Variants in DCAF15 observed in about 807,000 individuals in gnomAD.
DCAF15 encodes DDB1- and CUL4-associated factor 15.
Under a neutral mutation model 68.0 loss-of-function variants are expected in DCAF15, and 24 were observed. That is an observed-to-expected ratio of 0.35 (90% CI 0.26 to 0.50). The LOEUF (loss-of-function observed/expected upper bound fraction) is 0.50, where lower values mean the gene tolerates loss of function less well. Among genes scored for constraint, DCAF15 ranks in the 20% least tolerant of loss-of-function variants. The probability of loss-of-function intolerance (pLI) is 0.98; values close to 1 mark genes in which losing one functional copy is unlikely to be tolerated. For synonymous variants in DCAF15, 376 were observed against 341.6 expected, an observed-to-expected ratio of 1.10 and a Z score of -1.11; for missense variants, 627 against 830.6, an observed-to-expected ratio of 0.75 and a Z score of 3.01.
intron 6 of DCAF15, among the ~76,000 whole-genome samples, chr19:13,957,973 C>G (rs771056409): frequency 6.6e-6 from 1 of 152,074 alleles, no homozygotes; most frequent in African/African-American, 2.4e-5. Flanking sequence ...CTGGGGCGGT[C>G]GGGGAATGGG....
chr19:13,955,893 C>G lies in DCAF15; in HGVS notation c.367-19C>G, dbSNP rs1973337574. The G allele has an allele frequency of 6.2e-7, 1 of 1,612,684 alleles. No homozygotes were observed. The highest frequency in any genetic ancestry group is 1.7e-5 in the Admixed American group (1 of 59,992). On this transcript the variant is annotated intron_variant, in intron 3 of 12. Coordinates refer to ENST00000254337, the MANE Select transcript of DCAF15 (RefSeq NM_138353.4). Reference sequence around the variant, plus strand: ...CGCAGTTTCCCTGACCCGGTGCTGCCCCTGAACGTGCCTCACAGGTCCGGC... The same window carrying G: ...CGCAGTTTCCCTGACCCGGTGCTGCGCCTGAACGTGCCTCACAGGTCCGGC...
Position 13,954,412 on chromosome 19 carries a change from G to A in DCAF15, c.205G>A (p.Val69Met), listed in dbSNP as rs1973251517. The stretch of plus-strand genomic sequence containing the variant: ...GGTGTGCGTGTCCCTCAAGAACATT[G>A]TGGATGAGGACTTCCTCTATGCAGG... ...PRVCVSLKNIVDEDFLYAGHI... is the reference protein window; with the variant it reads ...PRVCVSLKNIMDEDFLYAGHI... The change falls in exon 2 of 13, where the codon GTG becomes ATG. Residue 69 changes from valine to methionine, a missense_variant. Around this residue, in one of 3 missense-constraint regions of DCAF15, gnomAD observed 273 missense variants for 393.7 expected, o/e 0.69. Transcript: ENST00000254337. 1 of 1,613,972 alleles carries A rather than the reference G, an allele frequency of 6.2e-7. No homozygotes were observed. Among genetic ancestry groups the A allele is most frequent in the South Asian group, 1.1e-5 (1 of 91,080 alleles).
At chr19:13,959,694 G>A in intron 8 of DCAF15, 21 bp downstream of exon 8, 2 of 1,612,942 alleles carry the variant, frequency 1.2e-6, no homozygotes, top group East Asian at 4.5e-5. Context: ...GCAGTGGGCG[G>A]GCCAAGGACA....
At position 13,956,261 on chromosome 19, in the gene DCAF15, A is replaced by C; in HGVS notation, c.612A>C (p.Pro204=). Residue 204 remains proline, a splice_region_variant and synonymous_variant, in exon 5 of 13, where the codon CCA becomes CCC. Transcript: ENST00000254337. ...GCCAGGATGCCAGCCGAGCCCACCC[A>C]GGTGAGGGGGCCGAGGGGGCGAGGG... ...AACQDASRAH[P]GDPNAQCLRH... 1 of 1,611,950 alleles carries C rather than the reference A, an allele frequency of 6.2e-7. No individual in the cohort carries two copies. The highest frequency in any genetic ancestry group is 8.5e-7 in the Non-Finnish European group (1 of 1,179,554).
chr19:13,954,383 C>A lies in DCAF15; in HGVS notation c.176C>A (p.Pro59His). The change falls in exon 2 of 13, where the codon CCC becomes CAC. Residue 59 changes from proline (P) to histidine (H), a missense_variant. Pro to His is a moderately conservative substitution (Grantham distance 77, BLOSUM62 -2). Transcript: ENST00000254337. Reference protein sequence around the residue: ...LSPRLFRKLPPRVCVSLKNIV... With the variant: ...LSPRLFRKLPHRVCVSLKNIV... ...CCTCGCCTCTTCCGGAAGCTGCCTC[C>A]CCGGGTGTGCGTGTCCCTCAAGAAC... 1 of 1,613,876 alleles carries A rather than the reference C, an allele frequency of 6.2e-7. No individual in the cohort carries two copies. The highest frequency in any genetic ancestry group is 1.1e-5 in the South Asian group (1 of 91,078).
chr19:13,952,601 G>A lies in DCAF15; in HGVS notation c.89G>A (p.Gly30Glu), dbSNP rs1973104657. The change falls in exon 1 of 13, where the codon GGG becomes GAG. Residue 30 changes from glycine (G) to glutamate (E), a missense_variant. Physicochemically the swap from Gly to Glu is moderately conservative, Grantham distance 98 (BLOSUM62 -2). Transcript: ENST00000254337. ...GGAGCCGGAGGGAAGCGGGCAGCAG[G>A]GCGGCGGCGGGAGCACGTCCTCAAG... ...PGGAGGKRAA[G>E]RRREHVLKQL... 6 of 1,266,944 alleles carry A rather than the reference G, an allele frequency of 4.7e-6. No individual in the cohort carries two copies. Among genetic ancestry groups the A allele is most frequent in the Non-Finnish European group, 6.0e-6 (6 of 1,003,070 alleles). The allele number at this position is 1,266,944 out of a possible 1,614,324, so 78.5% of individuals were successfully genotyped here. A position where few individuals can be genotyped will look rare whatever the true frequency, so the allele number is the denominator to read the frequency against.
chr19:13,958,241 G>A, intron 6 of DCAF15, among the ~76,000 whole-genome samples: 1 of 152,178 alleles, frequency 6.6e-6, no homozygotes, highest in East Asian at 1.9e-4. Context: ...ACCAGCCCAG[G>A]GAAAGGGCGT....
intron 6 of DCAF15, among the ~76,000 whole-genome samples, chr19:13,958,628 C>T (rs1183128416): frequency 1.3e-5 from 2 of 152,080 alleles, no homozygotes; most frequent in African/African-American, 4.8e-5. Flanking sequence ...CAGGAAGGAC[C>T]GAGGGCTTTG....
chr19:13,960,153 G>A (rs1379035516), intron 10 of DCAF15, 84 bp downstream of exon 10: 3 of 1,582,172 alleles, frequency 1.9e-6, no homozygotes, highest in Non-Finnish European at 8.6e-7. Flanking sequence ...GACGTGAGAA[G>A]GCTCTCCCTG....
chr19:13,953,956 C>T (rs1973217241), intron 1 of DCAF15, among the ~76,000 whole-genome samples: 1 of 152,066 alleles, frequency 6.6e-6, no homozygotes, highest in Non-Finnish European at 1.5e-5. Context: ...GTCCCAGCCT[C>T]CTTAGTAGGA....
chr19:13,954,243 T>C, intron 1 of DCAF15, 97 bp from the exon 2 acceptor site: 6 of 1,045,848 alleles, frequency 5.7e-6, no homozygotes, highest in Non-Finnish European at 8.6e-6. Flanking sequence ...GCTGGGCCGG[T>C]CTGGACCCGG....
Position 13,959,403 on chromosome 19 carries a change from C to T in DCAF15, c.1143C>T (p.Ala381=), listed in dbSNP as rs967592637. The change falls in exon 7 of 13, where the codon GCC becomes GCT. Residue 381 remains alanine (A), a synonymous_variant. Transcript: ENST00000254337. ...GCCCCCCTGCCTCGGAGGCACCTGC[C>T]TCCGAGCCTGGCTATGTCAACTACA... is the stretch of plus-strand genomic sequence containing the variant. The part of the protein sequence containing the change: ...RDSPPASEAP[A]SEPGYVNYTK... The T allele has an allele frequency of 1.4e-5, 23 of 1,607,092 alleles. No individual in the cohort carries two copies. The highest frequency in any genetic ancestry group is 1.8e-5 in the Non-Finnish European group (21 of 1,179,766).
chr19:13,959,699 A>G, intron 8 of DCAF15, 26 bp downstream of exon 8: 2 of 1,612,898 alleles, frequency 1.2e-6, no homozygotes, highest in Non-Finnish European at 1.7e-6. Context: ...GGGCGGGCCA[A>G]GGACAGTCCC....
rs778950385 is a variant in DCAF15 at position 13,959,125 on chromosome 19, C to A, written c.865C>A (p.Pro289Thr). ...APASPPEPQS[P>T]ELPPALPSFC... ...TGCCAGCCCCCCTGAGCCCCAGAGC[C>A]CAGAGCTGCCCCCTGCCCTCCCCAG... Residue 289 changes from proline (P) to threonine (T), a missense_variant, in exon 7 of 13, where the codon CCA becomes ACA. This residue lies in a region of DCAF15 where 236 missense variants were observed against 225.1 expected (regional missense o/e 1.05). Coordinates refer to ENST00000254337, the MANE Select transcript of DCAF15 (RefSeq NM_138353.4). 3 of 1,612,700 alleles carry A rather than the reference C, an allele frequency of 1.9e-6. No homozygotes were observed. The highest frequency in any genetic ancestry group is 2.5e-6 in the Non-Finnish European group (3 of 1,179,788).
chr19:13,960,756 A>G (rs1281601687), intron 12 of DCAF15, among the ~76,000 whole-genome samples, 176 bp downstream of exon 12: 3 of 152,192 alleles, frequency 2.0e-5, no homozygotes, highest in Admixed American at 6.5e-5. Flanking sequence ...CCCACCAGTC[A>G]TGGCCTGGCT....
intron 1 of DCAF15, among the ~76,000 whole-genome samples, chr19:13,954,023 G>C (rs1235389454): frequency 6.6e-6 from 1 of 152,182 alleles, no homozygotes; most frequent in Non-Finnish European, 1.5e-5. Context: ...GCCCAGCGTG[G>C]GACAGGGTGA....
chr19:13,959,180 C>T lies in DCAF15; in HGVS notation c.920C>T (p.Ser307Phe). 2 of 1,612,730 alleles carry T rather than the reference C, an allele frequency of 1.2e-6. No individual in the cohort carries two copies. Among genetic ancestry groups the T allele is most frequent in the Non-Finnish European group, 1.7e-6 (2 of 1,179,876 alleles). ...SFCPEAAPAR[S>F]SGSPEPSPAI... ...TGCCCTGAGGCGGCCCCAGCCCGTT[C>T]TTCTGGGTCTCCTGAGCCCTCGCCC... Residue 307 changes from serine (S) to phenylalanine (F), a missense_variant, in exon 7 of 13, where the codon TCT (serine) becomes TTT (phenylalanine). Physicochemically the swap from Ser to Phe is radical, Grantham distance 155. Coordinates refer to ENST00000254337, the MANE Select transcript of DCAF15 (RefSeq NM_138353.4).
chr19:13,959,489 G>A lies in DCAF15; in HGVS notation c.1219+10G>A, dbSNP rs778606739. ...ACGGAGCCGGAGGATGGTGAGCGGGGGGCAGGCATGTGACAGGGCCTGGGA... is the reference window on the plus strand; with the variant it reads ...ACGGAGCCGGAGGATGGTGAGCGGGAGGCAGGCATGTGACAGGGCCTGGGA... On this transcript the variant is annotated intron_variant, in intron 7 of 12. Coordinates refer to ENST00000254337, the MANE Select transcript of DCAF15 (RefSeq NM_138353.4). 1.7e-5 allele frequency: 27 copies of A among 1,608,986 alleles called. No individual in the cohort carries two copies. The highest frequency in any genetic ancestry group is 2.3e-5 in the Non-Finnish European group (27 of 1,177,402).
chr19:13,957,855 C>T (rs1164346005), intron 6 of DCAF15, among the ~76,000 whole-genome samples: 3 of 152,062 alleles, frequency 2.0e-5, no homozygotes, highest in Non-Finnish European at 2.9e-5. Context: ...CCAATGTACT[C>T]CAGCCTGGGA....
Sources: gnomAD v4.1 joint callset for allele counts (sites outside exome capture counted in the v4.1 genomes callset) on GRCh38, gnomAD v4.1.1 for gene constraint, gnomAD v4.1.1 regional missense constraint, MANE v1.5 for transcripts, NCBI Gene and HGNC (gene_info 2026-07-23, HGNC 2026-07-21) for gene names.